The following ASAP1 variants were observed in gnomAD, a reference collection of about 807,000 sequenced individuals.
The protein encoded by ASAP1 is arf-GAP with SH3 domain, ANK repeat and PH domain-containing protein 1.
ASAP1 carries 43 observed loss-of-function variants against 145.2 expected under a neutral mutation model. The ratio of observed to expected loss-of-function variants is 0.30; its 90% CI spans 0.23 to 0.38. ASAP1 has a LOEUF of 0.38. Ranked by LOEUF, ASAP1 falls within the 10% of genes least tolerant of loss-of-function variation. The pLI is 1.00. For synonymous variants in ASAP1, 546 were observed against 515.5 expected (o/e 1.06, Z -0.80); for missense variants, 1,018 against 1,355.3 (o/e 0.75, Z 3.91).
intron 9 of ASAP1, among the ~76,000 whole-genome samples, chr8:130,169,479 T>C (rs982653739): frequency 6.6e-6 from 1 of 152,126 alleles, no homozygotes; most frequent in African/African-American, 2.4e-5. Context: ...CTGGACACTA[T>C]AAAGAGAAAT....
chr8:130,119,801 GTTTT>G (rs201471995), intron 18 of ASAP1, among the ~76,000 whole-genome samples: 1 of 147,844 alleles, frequency 6.8e-6, no homozygotes, highest in African/African-American at 2.5e-5. Flanking sequence ...ATGAGCTTCA[GTTTT>G]TTTTTTTTAA....
intron 24 of ASAP1, among the ~76,000 whole-genome samples, chr8:130,107,844 C>T (rs951203494): frequency 2.0e-5 from 3 of 152,294 alleles, no homozygotes; most frequent in African/African-American, 4.8e-5. Flanking sequence ...ACACCACGCC[C>T]GACCACCATA....
intron 25 of ASAP1, among the ~76,000 whole-genome samples, chr8:130,090,757 C>CA: frequency 6.6e-6 from 1 of 152,308 alleles, no homozygotes; most frequent in East Asian, 1.9e-4. Flanking sequence ...AGTAAGCAAA[C>CA]AGAGTCAGAG....
chr8:130,091,210 G>C (rs753561051), intron 25 of ASAP1, among the ~76,000 whole-genome samples: 1 of 152,184 alleles, frequency 6.6e-6, no homozygotes, highest in Admixed American at 6.5e-5. Context: ...GTGAGAACAA[G>C]ACCAAGACAA....
rs149622851 is a variant in ASAP1, at chr8:130,112,342, G to A, written c.2173-20C>T. ...GCTTGGCTGGCAGATGAAATAAGAAGGTGAGATAATAATCAAGGACCACCC... is the reference window on the plus strand; with the variant it reads ...GCTTGGCTGGCAGATGAAATAAGAAAGTGAGATAATAATCAAGGACCACCC... On this transcript the variant is annotated intron_variant, in intron 23 of 29. Coordinates refer to ENST00000518721, the MANE Select transcript of ASAP1 (RefSeq NM_018482.4). 1,404 of 1,607,860 alleles carry A rather than the reference G, an allele frequency of 8.7e-4. 5 individuals are homozygous for A. The highest frequency in any genetic ancestry group is 6.5e-3 in the Middle Eastern group (39 of 6,044).
At chr8:130,263,434 C>G (rs577586308) in intron 3 of ASAP1, among the ~76,000 whole-genome samples, 1 of 152,148 alleles carries the variant, frequency 6.6e-6, no homozygotes, top group Non-Finnish European at 1.5e-5. Flanking sequence ...AAAAAAGATG[C>G]AACAAGCAAA....
At chr8:130,200,634 AACACACAT>A (rs1196120414) in intron 5 of ASAP1, among the ~76,000 whole-genome samples, 2 of 152,180 alleles carry the variant, frequency 1.3e-5, no homozygotes, top group Non-Finnish European at 2.9e-5. Flanking sequence ...TGTACACACA[AACACACAT>A]ACACACACTC....
At chr8:130,298,058 C>T (rs973584306) in intron 3 of ASAP1, among the ~76,000 whole-genome samples, 1 of 152,156 alleles carries the variant, frequency 6.6e-6, no homozygotes, top group Non-Finnish European at 1.5e-5. Context: ...CATTGCTAAA[C>T]ATGGGTGTTG....
chr8:130,158,348 TAAA>T (rs35826450), intron 12 of ASAP1, among the ~76,000 whole-genome samples: 1 of 137,348 alleles, frequency 7.3e-6, no homozygotes, highest in Non-Finnish European at 1.6e-5. Flanking sequence ...TGCTTATATT[TAAA>T]AAAAAAAAAA....
chr8:130,054,417 T>A lies in ASAP1; in HGVS notation c.*314A>T. 4.3e-6 allele frequency: 1 copy of A among 234,586 alleles called. No individual in the cohort carries two copies. The highest frequency in any genetic ancestry group is 7.0e-5 in the South Asian group (1 of 14,260). 14.5% of individuals were successfully genotyped at this position (234,586 alleles called of 1,614,324 possible). A position where few individuals can be genotyped will look rare whatever the true frequency, so the allele number is the denominator to read the frequency against. ...AACGGTTGCTGGAGACCACTTCTAT[T>A]TGCAAAGCCAGCAGTTCCTATACTC... On this transcript the variant is annotated 3_prime_UTR_variant, in exon 30 of 30. Transcript: ENST00000518721.
intron 6 of ASAP1, 122 bp downstream of exon 6, chr8:130,187,987 A>G (rs908768733): frequency 1.5e-5 from 11 of 747,698 alleles, no homozygotes; most frequent in Middle Eastern, 3.7e-4. Context: ...TTCCAAGAGC[A>G]TTTTTAACGC....
chr8:130,139,897 T>A (rs567028624), intron 13 of ASAP1, among the ~76,000 whole-genome samples: 3 of 147,032 alleles, frequency 2.0e-5, no homozygotes, highest in African/African-American at 2.5e-5. Context: ...TACCAACAGA[T>A]ACAACCAAGA....
At chr8:130,338,507 T>C (rs1354426621) in intron 3 of ASAP1, among the ~76,000 whole-genome samples, 1 of 152,222 alleles carries the variant, frequency 6.6e-6, no homozygotes, top group Non-Finnish European at 1.5e-5. Flanking sequence ...TTATCCTGAC[T>C]ACTCCCCAAT....
chr8:130,108,545 T>A (rs1042050515), intron 24 of ASAP1, among the ~76,000 whole-genome samples: 16 of 152,070 alleles, frequency 1.1e-4, no homozygotes, highest in African/African-American at 3.9e-4. Flanking sequence ...ACGCCTGTAA[T>A]CTTGGCACTT....
At chr8:130,140,655 G>A (rs1044724509) in intron 13 of ASAP1, among the ~76,000 whole-genome samples, 1 of 152,196 alleles carries the variant, frequency 6.6e-6, no homozygotes, top group Non-Finnish European at 1.5e-5. Flanking sequence ...TATTCTCTTA[G>A]AAGTTTGCCA....
At chr8:130,361,064 T>G (rs1364190431) in intron 2 of ASAP1, 1 of 155,128 alleles carries the variant, frequency 6.4e-6, no homozygotes, top group Non-Finnish European at 1.4e-5. Flanking sequence ...AATTTCAGAC[T>G]TGGATTCTTG....
intron 1 of ASAP1, among the ~76,000 whole-genome samples, chr8:130,416,950 T>C (rs971530916): frequency 1.2e-4 from 18 of 152,174 alleles, no homozygotes; most frequent in African/African-American, 4.1e-4. Context: ...GGATAATACA[T>C]AGCCAAATGG....
intron 3 of ASAP1, among the ~76,000 whole-genome samples, chr8:130,243,888 A>C (rs1039313245): frequency 1.3e-5 from 2 of 152,122 alleles, no homozygotes; most frequent in Non-Finnish European, 2.9e-5. Context: ...TGCGTTTATG[A>C]TCTGTCCCAA....
chr8:130,059,051 C>T (rs924876605), intron 28 of ASAP1, among the ~76,000 whole-genome samples: 2 of 152,168 alleles, frequency 1.3e-5, no homozygotes, highest in African/African-American at 4.8e-5. Flanking sequence ...GGAGAGTTCC[C>T]TTTTGAATAG....
Sources: gnomAD v4.1 joint callset for allele counts (sites outside exome capture counted in the v4.1 genomes callset) on GRCh38, gnomAD v4.1.1 for gene constraint, MANE v1.5 for transcripts, NCBI Gene and HGNC (gene_info 2026-07-23, HGNC 2026-07-21) for gene names.